AK4: variants seen among roughly 807,000 people sequenced by gnomAD.
AK4 encodes adenylate kinase 4, mitochondrial.
A neutral mutation model predicts 24.6 loss-of-function variants in AK4; 13 were observed. That is an observed-to-expected ratio of 0.53 (90% confidence interval 0.34 to 0.84). The LOEUF (loss-of-function observed/expected upper bound fraction) is 0.84, where lower values mean the gene tolerates loss of function less well. AK4 is among the 40% of genes least tolerant of loss of function. The probability of loss-of-function intolerance (pLI) is 0.01; values close to 1 mark genes in which losing one functional copy is unlikely to be tolerated. For missense variants in AK4, 192 were observed against 288.2 expected (o/e 0.67, Z 2.42); for synonymous variants, 88 against 107.0 (o/e 0.82, Z 1.10).
intron 1 of AK4, among the ~76,000 whole-genome samples, chr1:65,156,128 A>G (rs943187915): frequency 6.6e-6 from 1 of 152,212 alleles, no homozygotes; most frequent in African/African-American, 2.4e-5. Context: ...ATATTCAAAT[A>G]TAATTTGTTA....
rs190278806 is a variant in AK4, at chr1:65,180,832, A to G, written c.146-9878A>G. Among the ~76,000 whole-genome samples the G allele has an allele frequency of 2.9e-4, 44 of 152,296 alleles. No individual in the cohort carries two copies. The East Asian group carries it at 8.1e-3, about 28-fold the overall frequency. On this transcript the variant is annotated intron_variant, in intron 1 of 4. Transcript: ENST00000327299. ...TGCGCAGGTGCGCACACACGTGTGC[A>G]CTGCCATTATTAGTGATGTTTTGGC...
At chr1:65,221,217 T>A (rs1286771182) in intron 3 of AK4, among the ~76,000 whole-genome samples, 1 of 152,116 alleles carries the variant, frequency 6.6e-6, no homozygotes, top group East Asian at 1.9e-4. Flanking sequence ...GAACGCCAGT[T>A]TTGGGTGGTA....
chr1:65,173,211 A>C (rs1650598489), intron 1 of AK4, among the ~76,000 whole-genome samples: 1 of 152,102 alleles, frequency 6.6e-6, no homozygotes, highest in Non-Finnish European at 1.5e-5. Flanking sequence ...GTATTGAATC[A>C]TTATGGTGTG....
intron 1 of AK4, among the ~76,000 whole-genome samples, chr1:65,175,952 G>A (rs770651101): frequency 6.6e-6 from 1 of 152,180 alleles, no homozygotes; most frequent in Non-Finnish European, 1.5e-5. Flanking sequence ...GTTTATGAAT[G>A]CATGTGTTCC....
Position 65,152,381 on chromosome 1 carries a change from TATA to T in AK4, c.145+3830_145+3832del, listed in dbSNP as rs1219710291. ...CTCTCTATATATATATATATATATATATATTTTTTTTTTTTTTTTTTTTTTTTT... is the reference window on the plus strand; with the variant it reads ...CTCTCTATATATATATATATATATATTTTTTTTTTTTTTTTTTTTTTTTTT... On this transcript the variant is annotated intron_variant, in intron 1 of 4. Coordinates refer to ENST00000327299, the MANE Select transcript of AK4 (RefSeq NM_013410.4). Among the ~76,000 whole-genome samples, 171 of 60,462 alleles carry T rather than the reference TATA, an allele frequency of 2.8e-3. 2 individuals are homozygous for T. Among genetic ancestry groups the T allele is most frequent in the African/African-American group, 5.8e-3 (78 of 13,520 alleles). The allele number at this position is 60,462 out of a possible 152,430, so 39.7% of individuals were successfully genotyped here.
chr1:65,159,758 A>G (rs1464649370), intron 1 of AK4, among the ~76,000 whole-genome samples: 2 of 152,148 alleles, frequency 1.3e-5, no homozygotes, highest in Admixed American at 6.5e-5. Flanking sequence ...TCACAAGGTC[A>G]GGAATTCGAG....
intron 2 of AK4, among the ~76,000 whole-genome samples, chr1:65,202,866 C>CTTTTT (rs34143736): frequency 0.062 from 5,732 of 91,746 alleles, 449 homozygotes; most frequent in East Asian, 0.14. Flanking sequence ...GCTGTGTAGT[C>CTTTTT]TTTTTTTTTT....
intron 1 of AK4, among the ~76,000 whole-genome samples, chr1:65,166,352 T>G (rs1026279953): frequency 1.1e-5 from 1 of 94,844 alleles, no homozygotes; most frequent in Admixed American, 1.0e-4. Flanking sequence ...GTGTGTGTGT[T>G]TACCACCCAG....
chr1:65,170,954 C>CTTT (rs36098576), intron 1 of AK4, among the ~76,000 whole-genome samples: 1 of 109,030 alleles, frequency 9.2e-6, no homozygotes, highest in Non-Finnish European at 1.7e-5. Flanking sequence ...TGTCTTCTTC[C>CTTT]TTTTTTTTTT....
At position 65,190,803 on chromosome 1, in the gene AK4, G is replaced by A; in HGVS notation, c.239G>A (p.Arg80Lys). ...TRLMMSELEN[R>K]RGQHWLLDGF... ...CTAATGATGTCCGAGTTGGAGAACA[G>A]GCGTGGCCAGCACTGGCTCCTTGAT... Residue 80 changes from arginine (R) to lysine (K), a missense_variant, in exon 2 of 5, where the codon AGG (arginine) becomes AAG (lysine). Transcript: ENST00000327299. The A allele has an allele frequency of 3.1e-6, 5 of 1,614,108 alleles. No individual in the cohort carries two copies. Among genetic ancestry groups the A allele is most frequent in the South Asian group, 2.2e-5 (2 of 91,044 alleles).
intron 1 of AK4, among the ~76,000 whole-genome samples, chr1:65,172,079 A>ATATATATG (rs1650548725): frequency 9.1e-6 from 1 of 110,094 alleles, no homozygotes; most frequent in Non-Finnish European, 2.1e-5. Context: ...ATATATATAT[A>ATATATATG]TATATATATA....
At chr1:65,221,760 GCCTTA>G (rs1652300039) in intron 3 of AK4, among the ~76,000 whole-genome samples, 1 of 152,226 alleles carries the variant, frequency 6.6e-6, no homozygotes, top group African/African-American at 2.4e-5. Flanking sequence ...AATTTGAAAA[GCCTTA>G]CCACTGAGTT....
At chr1:65,212,742 A>G (rs888721001) in intron 2 of AK4, among the ~76,000 whole-genome samples, 1 of 152,164 alleles carries the variant, frequency 6.6e-6, no homozygotes, top group African/African-American at 2.4e-5. Flanking sequence ...TATGCCTGAT[A>G]CAGCAGCATC....
intron 2 of AK4, among the ~76,000 whole-genome samples, chr1:65,203,514 C>G (rs1464807464): frequency 2.0e-5 from 3 of 152,004 alleles, no homozygotes; most frequent in Admixed American, 2.0e-4. Context: ...CATAAAACCA[C>G]CCCTCTTGGC....
rs1652666041 is a variant in AK4, at chr1:65,232,131, CT to C, written c.*5956del. On this transcript the variant is annotated 3_prime_UTR_variant, in exon 5 of 5. Coordinates refer to ENST00000327299, the MANE Select transcript of AK4 (RefSeq NM_013410.4). ...TTGATAGAAATAAAGTTTTTTTCTG[CT>C]TATAGCTAGCGAATTCATTTGTTTG... is the stretch of plus-strand genomic sequence containing the variant. 6.6e-6 allele frequency: 1 copy of C among 152,100 alleles called. No individual in the cohort carries two copies. 9.4% of individuals were successfully genotyped at this position (152,100 alleles called of 1,614,324 possible). A position where few individuals can be genotyped will look rare whatever the true frequency, so the allele number is the denominator to read the frequency against.
intron 1 of AK4, among the ~76,000 whole-genome samples, chr1:65,186,916 C>T (rs779694217): frequency 7.9e-5 from 12 of 152,114 alleles, no homozygotes; most frequent in Non-Finnish European, 1.6e-4. Context: ...CCCAAATATC[C>T]ATTATATGTA....
intron 2 of AK4, among the ~76,000 whole-genome samples, chr1:65,215,664 G>A (rs1436165916): frequency 2.6e-5 from 4 of 152,172 alleles, no homozygotes; most frequent in Non-Finnish European, 1.5e-5. Context: ...TGAGAGTCCA[G>A]TAGGTAGCAG....
chr1:65,170,211 A>C (rs1650465593), intron 1 of AK4, among the ~76,000 whole-genome samples: 1 of 152,126 alleles, frequency 6.6e-6, no homozygotes, highest in Admixed American at 6.5e-5. Context: ...AAATACAAAA[A>C]AAGAAAATTA....
At chr1:65,215,144 TTTTTC>T (rs61257497) in intron 2 of AK4, among the ~76,000 whole-genome samples, 10 of 149,978 alleles carry the variant, frequency 6.7e-5, no homozygotes, top group African/African-American at 2.0e-4. Flanking sequence ...TCATTGATTT[TTTTTC>T]TTTTCTTTTC....
Sources: allele counts gnomAD v4.1 joint callset (sites outside exome capture counted in the v4.1 genomes callset), GRCh38; gene constraint gnomAD v4.1.1; transcripts MANE v1.5; gene names NCBI Gene and HGNC (gene_info 2026-07-23, HGNC 2026-07-21).